The following PTPRD variants were observed in gnomAD, a reference collection of about 807,000 sequenced individuals.
PTPRD encodes receptor-type tyrosine-protein phosphatase delta.
In PTPRD, 34 loss-of-function variants were observed where a neutral mutation model predicts 214.5. That is an observed-to-expected ratio of 0.16 (90% CI 0.12 to 0.21). The LOEUF is 0.21. Ranked by LOEUF, PTPRD falls within the 10% of genes least tolerant of loss-of-function variation. PTPRD has a pLI of 1.00. For missense variants in PTPRD, 2,545 were observed against 2,398.7 expected (o/e 1.06, Z -1.27); for synonymous variants, 1,128 against 845.7 (o/e 1.33, Z -5.79).
intron 9 of PTPRD, among the ~76,000 whole-genome samples, chr9:9,274,867 G>C (rs78411985): frequency 0.013 from 1,886 of 148,632 alleles, 43 homozygotes; most frequent in African/African-American, 0.044. Flanking sequence ...GTTTAGATAG[G>C]AATGATTCTA....
At chr9:8,822,822 C>T (rs1426659623) in intron 11 of PTPRD, among the ~76,000 whole-genome samples, 1 of 152,014 alleles carries the variant, frequency 6.6e-6, no homozygotes, top group African/African-American at 2.4e-5. Flanking sequence ...CTCCCATCCC[C>T]CAAAACCACC....
At chr9:10,361,016 G>A (rs1201134042) in intron 2 of PTPRD, among the ~76,000 whole-genome samples, 1 of 152,046 alleles carries the variant, frequency 6.6e-6, no homozygotes, top group Non-Finnish European at 1.5e-5. Flanking sequence ...GCAGGAGAAT[G>A]GCGTGAACAC....
chr9:9,966,922 C>T (rs1486896487), intron 4 of PTPRD, among the ~76,000 whole-genome samples: 2 of 152,288 alleles, frequency 1.3e-5, no homozygotes, highest in East Asian at 3.9e-4. Context: ...CCTTTAAATA[C>T]TGCCTCTGTG....
intron 11 of PTPRD, among the ~76,000 whole-genome samples, chr9:8,932,420 A>G (rs1456698377): frequency 1.3e-5 from 2 of 152,136 alleles, no homozygotes; most frequent in East Asian, 3.9e-4. Flanking sequence ...TTATTTACCC[A>G]GTAGTCATTC....
chr9:9,290,369 T>C (rs1195575688), intron 9 of PTPRD, among the ~76,000 whole-genome samples: 1 of 151,750 alleles, frequency 6.6e-6, no homozygotes, highest in Non-Finnish European at 1.5e-5. Context: ...CCTTGTCATA[T>C]ACAAGGTTTG....
chr9:10,369,839 G>A (rs115175168), intron 2 of PTPRD, among the ~76,000 whole-genome samples: 48 of 151,914 alleles, frequency 3.2e-4, no homozygotes, highest in African/African-American at 8.4e-4. Flanking sequence ...CCTATCTCTC[G>A]GTTAAGTTTT....
At chr9:8,989,454 G>T (rs1368502508) in intron 11 of PTPRD, among the ~76,000 whole-genome samples, 1 of 152,024 alleles carries the variant, frequency 6.6e-6, no homozygotes, top group Non-Finnish European at 1.5e-5. Flanking sequence ...GAGAATATGT[G>T]ATATTTGTTT....
At chr9:9,207,181 T>C (rs1342149268) in intron 9 of PTPRD, among the ~76,000 whole-genome samples, 1 of 152,192 alleles carries the variant, frequency 6.6e-6, no homozygotes, top group Non-Finnish European at 1.5e-5. Context: ...ATGGACTTGC[T>C]GTAACTGAGT....
chr9:10,117,079 T>C (rs932458024), intron 3 of PTPRD, among the ~76,000 whole-genome samples: 1 of 152,138 alleles, frequency 6.6e-6, no homozygotes, highest in African/African-American at 2.4e-5. Context: ...AGAATATAAA[T>C]TCATCAGAGC....
At chr9:9,549,339 A>T (rs1484514236) in intron 8 of PTPRD, among the ~76,000 whole-genome samples, 1 of 152,104 alleles carries the variant, frequency 6.6e-6, no homozygotes, top group Non-Finnish European at 1.5e-5. Context: ...TAATCAAAAG[A>T]CAATCCAATT....
chr9:9,196,560 C>T (rs554036144), intron 9 of PTPRD, among the ~76,000 whole-genome samples: 1 of 152,104 alleles, frequency 6.6e-6, no homozygotes, highest in African/African-American at 2.4e-5. Flanking sequence ...CTACTTTATA[C>T]GGTTATGCCA....
In PTPRD at chr9:8,671,552, A is replaced by G. The variant is rs116651554; in HGVS notation, c.65-34708T>C. ...TTTTCTAAACTGTAAAGCAGTTTAGAAAAAAAAGTCCACTTTTTAAAAATG... is the reference window on the plus strand; with the variant it reads ...TTTTCTAAACTGTAAAGCAGTTTAGGAAAAAAAGTCCACTTTTTAAAAATG... On this transcript the variant is annotated intron_variant, in intron 12 of 45. Transcript: ENST00000381196. Among the ~76,000 whole-genome samples the G allele has an allele frequency of 7.9e-3, 1,203 of 152,122 alleles. 27 individuals are homozygous for G. The highest frequency in any genetic ancestry group is 0.028 in the African/African-American group (1,149 of 41,498).
chr9:8,327,357 T>C (rs200358520), intron 44 of PTPRD, among the ~76,000 whole-genome samples: 1 of 143,384 alleles, frequency 7.0e-6, no homozygotes, highest in South Asian at 2.2e-4. Context: ...TTTTTTTTTT[T>C]AAATCTTGAG....
At chr9:9,628,365 T>C (rs2095486340) in intron 7 of PTPRD, among the ~76,000 whole-genome samples, 1 of 152,118 alleles carries the variant, frequency 6.6e-6, no homozygotes, top group African/African-American at 2.4e-5. Flanking sequence ...ACACAATCAA[T>C]TGCCAGGTTC....
chr9:9,054,132 A>G (rs921209818), intron 10 of PTPRD, among the ~76,000 whole-genome samples: 2 of 152,200 alleles, frequency 1.3e-5, no homozygotes, highest in African/African-American at 4.8e-5. Context: ...ATTTGCCTGC[A>G]TCATTGCATG....
At chr9:9,095,636 C>T (rs528028891) in intron 10 of PTPRD, among the ~76,000 whole-genome samples, 4 of 152,176 alleles carry the variant, frequency 2.6e-5, no homozygotes, top group Admixed American at 2.0e-4. Flanking sequence ...TTTGGACAGT[C>T]TTTAATACAC....
intron 35 of PTPRD, among the ~76,000 whole-genome samples, chr9:8,407,523 A>T (rs2093114295): frequency 6.6e-6 from 1 of 152,184 alleles, no homozygotes; most frequent in South Asian, 2.1e-4. Context: ...CTAAGCCATG[A>T]TACTACTTAA....
Position 9,950,266 on chromosome 9 carries a change from G to T in PTPRD, c.-471-11656C>A, listed in dbSNP as rs576659394. Among the ~76,000 whole-genome samples the T allele has an allele frequency of 7.9e-5, 12 of 152,274 alleles. No individual in the cohort carries two copies. In the South Asian group the frequency reaches 2.1e-3, roughly 26 times the overall value. On this transcript the variant is annotated intron_variant, in intron 4 of 45. Transcript: ENST00000381196. ...CATGTGACATCCAGATGGGGATGCT[G>T]TGAATTCTTGTTTAGACAGCAATTA...
chr9:9,235,962 T>C (rs1241396668), intron 9 of PTPRD, among the ~76,000 whole-genome samples: 1 of 152,126 alleles, frequency 6.6e-6, no homozygotes, highest in African/African-American at 2.4e-5. Flanking sequence ...TAAGGGGTTA[T>C]ATTTAAAAAG....
Sources: allele counts gnomAD v4.1 joint callset (sites outside exome capture counted in the v4.1 genomes callset), GRCh38; gene constraint gnomAD v4.1.1; transcripts MANE v1.5; gene names NCBI Gene and HGNC (gene_info 2026-07-23, HGNC 2026-07-21).